Variants in EEFSEC observed in about 807,000 individuals in gnomAD.
EEFSEC encodes eukaryotic elongation factor, selenocysteine-tRNA specific.
Under a neutral mutation model 42.1 loss-of-function variants are expected in EEFSEC, and 43 were observed. The ratio of observed to expected loss-of-function variants is 1.02; its 90% CI spans 0.80 to 1.32. The LOEUF (loss-of-function observed/expected upper bound fraction) is 1.32. Ranked by LOEUF, EEFSEC falls within the 40% of genes most tolerant of loss-of-function variation. The pLI is 0.00. For synonymous variants in EEFSEC, 354 were observed against 339.1 expected, an observed-to-expected ratio of 1.04 and a Z score of -0.48; for missense variants, 745 against 803.6, an observed-to-expected ratio of 0.93 and a Z score of 0.88.
At chr3:128,399,129 G>T (rs1311235101) in intron 6 of EEFSEC, among the ~76,000 whole-genome samples, 1 of 151,848 alleles carries the variant, frequency 6.6e-6, no homozygotes, top group Non-Finnish European at 1.5e-5. Flanking sequence ...CCTTCCATCC[G>T]CATAATGCAC....
chr3:128,327,506 C>G (rs973107328), intron 4 of EEFSEC, among the ~76,000 whole-genome samples: 1 of 152,228 alleles, frequency 6.6e-6, no homozygotes, highest in Admixed American at 6.5e-5. Flanking sequence ...TGGCTTCCCC[C>G]ACATCCCAAG....
intron 1 of EEFSEC, among the ~76,000 whole-genome samples, chr3:128,167,907 G>C (rs571184868): frequency 1.3e-5 from 2 of 152,160 alleles, no homozygotes; most frequent in Non-Finnish European, 2.9e-5. Flanking sequence ...TAAATCTGCC[G>C]GAGGAAATTT....
chr3:128,348,650 T>C (rs2067345765), intron 5 of EEFSEC, among the ~76,000 whole-genome samples: 1 of 152,220 alleles, frequency 6.6e-6, no homozygotes, highest in South Asian at 2.1e-4. Context: ...GACTCTTTTC[T>C]TTAGGATACT....
At chr3:128,367,860 G>A in intron 6 of EEFSEC, 1 of 984,944 alleles carries the variant, frequency 1.0e-6, no homozygotes, top group Non-Finnish European at 1.2e-6. Flanking sequence ...TTCTGCACTG[G>A]TGACGCGTGC....
At chr3:128,371,025 G>C (rs1576678981) in intron 6 of EEFSEC, among the ~76,000 whole-genome samples, 1 of 152,270 alleles carries the variant, frequency 6.6e-6, no homozygotes, top group East Asian at 1.9e-4. Context: ...AATATTCATT[G>C]CTTGTTAAAA....
intron 6 of EEFSEC, among the ~76,000 whole-genome samples, chr3:128,386,221 G>C (rs1426389323): frequency 2.0e-5 from 3 of 152,184 alleles, no homozygotes; most frequent in Non-Finnish European, 4.4e-5. Context: ...GTGAAGTAGG[G>C]TTCAGGTGGG....
intron 1 of EEFSEC, among the ~76,000 whole-genome samples, chr3:128,161,968 C>G (rs1433662786): frequency 6.6e-6 from 1 of 152,206 alleles, no homozygotes; most frequent in Non-Finnish European, 1.5e-5. Context: ...GGGTGTTACT[C>G]TAATGCAAAA....
chr3:128,414,351 C>A, the EEFSEC span, among the ~76,000 whole-genome samples: 1 of 152,244 alleles, frequency 6.6e-6, no homozygotes, highest in Admixed American at 6.5e-5. Flanking sequence ...GCCCTCCCTG[C>A]TCCCAGCTCT....
Position 128,341,820 on chromosome 3 carries a change from C to G in EEFSEC, c.1374C>G (p.Asn458Lys). ...TGCTCCACGGGCTAGAGGACAGGAACTACGCCGACAGCTTCCTGCCCAGGC... is the reference window on the plus strand; with the variant it reads ...TGCTCCACGGGCTAGAGGACAGGAAGTACGCCGACAGCTTCCTGCCCAGGC... ...GILLHGLEDR[N>K]YADSFLPRLK... The change falls in exon 5 of 7, where the codon AAC (asparagine) becomes AAG (lysine). Residue 458 changes from asparagine (N) to lysine (K), a missense_variant. Physicochemically the swap from Asn to Lys is moderately conservative, Grantham distance 94. Transcript: ENST00000254730. 6.2e-7 allele frequency: 1 copy of G among 1,614,062 alleles called. No homozygotes were observed. The highest frequency in any genetic ancestry group is 8.5e-7 in the Non-Finnish European group (1 of 1,180,054).
At chr3:128,324,371 G>A (rs2067041036) in intron 4 of EEFSEC, among the ~76,000 whole-genome samples, 1 of 152,136 alleles carries the variant, frequency 6.6e-6, no homozygotes, top group African/African-American at 2.4e-5. Flanking sequence ...CCATGGAGTG[G>A]GGGGCTTCTC....
chr3:128,329,292 C>T (rs891303983), intron 4 of EEFSEC, among the ~76,000 whole-genome samples: 2 of 152,150 alleles, frequency 1.3e-5, no homozygotes, highest in African/African-American at 4.8e-5. Flanking sequence ...GGATGTGAGT[C>T]CAAGTGATGT....
At chr3:128,324,193 A>G (rs2067039283) in intron 4 of EEFSEC, among the ~76,000 whole-genome samples, 1 of 151,570 alleles carries the variant, frequency 6.6e-6, no homozygotes, top group Non-Finnish European at 1.5e-5. Context: ...CTACAGTGTC[A>G]GTTTTCCCAA....
chr3:128,207,066 C>T (rs549655228), intron 1 of EEFSEC, among the ~76,000 whole-genome samples: 25 of 152,292 alleles, frequency 1.6e-4, no homozygotes, highest in African/African-American at 5.1e-4. Flanking sequence ...AAGAAGAGTA[C>T]TTCTACTGCT....
rs552043125 is a variant in EEFSEC, at chr3:128,212,169, A to G, written c.317-34667A>G. Among the ~76,000 whole-genome samples the G allele has an allele frequency of 1.9e-4, 29 of 152,308 alleles. No homozygotes were observed. In the South Asian group the frequency reaches 3.5e-3, roughly 18 times the overall value. On this transcript the variant is annotated intron_variant, in intron 1 of 6. Transcript: ENST00000254730. ...AGCCACTGCGCCCAGCCAGAAATAC[A>G]TACACTTCTTAACACTCACAGAATG...
intron 1 of EEFSEC, among the ~76,000 whole-genome samples, chr3:128,219,294 G>A (rs9814834): frequency 0.71 from 107,804 of 152,080 alleles, 38,446 homozygotes; most frequent in East Asian, 0.89. Context: ...GTGACCTTTT[G>A]AAACATCCAT....
At chr3:128,215,490 G>A (rs930353919) in intron 1 of EEFSEC, among the ~76,000 whole-genome samples, 3 of 152,138 alleles carry the variant, frequency 2.0e-5, no homozygotes, top group African/African-American at 7.2e-5. Context: ...CAGCGTTGAT[G>A]GATCAGATGA....
intron 6 of EEFSEC, among the ~76,000 whole-genome samples, chr3:128,397,815 G>T (rs1029897329): frequency 6.6e-6 from 1 of 152,274 alleles, no homozygotes; most frequent in Admixed American, 6.5e-5. Context: ...GGGGGCATGA[G>T]CCCCAAGGGA....
intron 4 of EEFSEC, among the ~76,000 whole-genome samples, chr3:128,333,581 G>T (rs2067157080): frequency 6.6e-6 from 1 of 152,220 alleles, no homozygotes; most frequent in South Asian, 2.1e-4. Context: ...CATTAGAAGT[G>T]AATGGAATCA....
At chr3:128,200,054 A>C (rs2065627301) in intron 1 of EEFSEC, among the ~76,000 whole-genome samples, 1 of 151,306 alleles carries the variant, frequency 6.6e-6, no homozygotes, top group South Asian at 2.1e-4. Flanking sequence ...ATTTTAAGTG[A>C]GTTACCACCG....
Sources: allele counts gnomAD v4.1 joint callset (sites outside exome capture counted in the v4.1 genomes callset), GRCh38; gene constraint gnomAD v4.1.1; transcripts MANE v1.5; gene names NCBI Gene and HGNC (gene_info 2026-07-23, HGNC 2026-07-21).